Variants in ZFPM2 observed in about 807,000 individuals in gnomAD.
The protein encoded by ZFPM2 is zinc finger protein ZFPM2.
ZFPM2 carries 20 observed loss-of-function variants against 98.6 expected under a neutral mutation model. The observed-to-expected ratio is 0.20, with a 90% confidence interval of 0.14 to 0.29. ZFPM2 has a LOEUF of 0.29. Among genes scored for constraint, ZFPM2 ranks in the 10% least tolerant of loss-of-function variants. The pLI is 1.00. For missense variants in ZFPM2, 1,310 were observed against 1,388.6 expected (o/e 0.94, Z 0.90); for synonymous variants, 518 against 502.7 (o/e 1.03, Z -0.41).
At chr8:105,734,577 A>G (rs578072716) in intron 5 of ZFPM2, among the ~76,000 whole-genome samples, 12 of 152,102 alleles carry the variant, frequency 7.9e-5, no homozygotes, top group Admixed American at 7.2e-4. Context: ...TAGACTTTAC[A>G]GTCTGTACTG....
chr8:105,700,066 A>G (rs537280251), intron 5 of ZFPM2, among the ~76,000 whole-genome samples: 5 of 152,324 alleles, frequency 3.3e-5, no homozygotes, highest in Admixed American at 2.0e-4. Context: ...TTATTTAATC[A>G]TTTTAACCTT....
At chr8:105,671,705 G>C (rs1817599755) in intron 5 of ZFPM2, among the ~76,000 whole-genome samples, 1 of 151,814 alleles carries the variant, frequency 6.6e-6, no homozygotes, top group Admixed American at 6.6e-5. Flanking sequence ...TCTTTAATAA[G>C]TAATAGCAAT....
chr8:105,551,854 C>G lies in ZFPM2; in HGVS notation c.302-9509C>G, dbSNP rs967111073. ...ATCATGTTACAATACATGACCATAT[C>G]TTGGTTTGTTATAGATATCAAGCTA... On this transcript the variant is annotated intron_variant, in intron 3 of 7. Coordinates refer to ENST00000407775, the MANE Select transcript of ZFPM2 (RefSeq NM_012082.4). 6.6e-5 allele frequency among the ~76,000 whole-genome samples: 10 copies of G among 152,114 alleles called. 1 individual carries two copies. Among genetic ancestry groups the G allele is most frequent in the Admixed American group, 5.9e-4 (9 of 15,260 alleles).
chr8:105,387,671 A>G (rs76705933), intron 1 of ZFPM2: 1,633 of 155,482 alleles, frequency 0.011, 83 homozygotes, highest in Admixed American at 0.065. Flanking sequence ...CCGCGCCTCT[A>G]CTTCCACACC....
chr8:105,740,543 T>TA (rs1812188877), intron 5 of ZFPM2, among the ~76,000 whole-genome samples: 1 of 138,398 alleles, frequency 7.2e-6, no homozygotes, highest in South Asian at 2.2e-4. Context: ...ATATATATAT[T>TA]ATATATATAT....
chr8:105,673,913 G>A (rs1010496432), intron 5 of ZFPM2, among the ~76,000 whole-genome samples: 2 of 152,162 alleles, frequency 1.3e-5, no homozygotes, highest in African/African-American at 4.8e-5. Context: ...AGGAAAATTG[G>A]AAGATCCCAT....
At position 105,380,634 on chromosome 8, in the gene ZFPM2, TTA is replaced by T. The variant is rs1462975198; in HGVS notation, c.41-38500_41-38499del. ...ATATATATTATATATAACATATATATTATATATATATTATATATATATATTAT... is the reference window on the plus strand; with the variant it reads ...ATATATATTATATATAACATATATATTATATATATTATATATATATATTAT... On this transcript the variant is annotated intron_variant, in intron 1 of 7. Coordinates refer to ENST00000407775, the MANE Select transcript of ZFPM2 (RefSeq NM_012082.4). Among the ~76,000 whole-genome samples the T allele has an allele frequency of 3.1e-4, 5 of 16,020 alleles. 1 individual carries two copies. The highest frequency in any genetic ancestry group is 1.4e-3 in the African/African-American group (5 of 3,454). The allele number at this position is 16,020 out of a possible 152,430, so 10.5% of individuals were successfully genotyped here.
chr8:105,802,857 T>C lies in ZFPM2; in HGVS notation c.2775T>C (p.Pro925=), dbSNP rs540031963. The C allele has an allele frequency of 9.9e-6, 16 of 1,613,720 alleles. No homozygotes were observed. Among genetic ancestry groups the C allele is most frequent in the South Asian group, 5.5e-5 (5 of 91,028 alleles). ...KCEKNGNLKQ[P]SPNGNLFSSH... The stretch of plus-strand genomic sequence containing the variant: ...AGAAAAATGGGAATTTGAAGCAGCC[T>C]TCCCCCAATGGAAACTTATTTTCAT... Residue 925 remains proline, a synonymous_variant, in exon 8 of 8, where the codon CCT becomes CCC. Coordinates refer to ENST00000407775, the MANE Select transcript of ZFPM2 (RefSeq NM_012082.4).
At chr8:105,758,224 A>T (rs1212527384) in intron 5 of ZFPM2, among the ~76,000 whole-genome samples, 1 of 152,052 alleles carries the variant, frequency 6.6e-6, no homozygotes. Context: ...CACGACTATC[A>T]TTCACTGGCT....
At chr8:105,473,268 CTT>C (rs1812944317) in intron 3 of ZFPM2, among the ~76,000 whole-genome samples, 1 of 151,626 alleles carries the variant, frequency 6.6e-6, no homozygotes, top group African/African-American at 2.4e-5. Context: ...ATCTTTCTCT[CTT>C]TTGTGGGGAC....
chr8:105,628,222 A>G (rs1816694298), intron 4 of ZFPM2, among the ~76,000 whole-genome samples: 1 of 152,186 alleles, frequency 6.6e-6, no homozygotes, highest in African/African-American at 2.4e-5. Context: ...TCAGGATTCA[A>G]ACCTAGAAAA....
intron 5 of ZFPM2, among the ~76,000 whole-genome samples, chr8:105,758,989 G>A (rs1812674190): frequency 6.6e-6 from 1 of 152,034 alleles, no homozygotes; most frequent in African/African-American, 2.4e-5. Context: ...ATTTGATAGG[G>A]GCTAGTTGGA....
intron 1 of ZFPM2, among the ~76,000 whole-genome samples, chr8:105,362,944 C>T (rs527583167): frequency 2.0e-4 from 31 of 152,186 alleles, no homozygotes; most frequent in East Asian, 1.3e-3. Context: ...CTAAGGTAGC[C>T]GGCTGTGTTT....
At chr8:105,606,247 C>T (rs1041877202) in intron 4 of ZFPM2, among the ~76,000 whole-genome samples, 2 of 152,000 alleles carry the variant, frequency 1.3e-5, no homozygotes, top group East Asian at 1.9e-4. Context: ...CTCTCCTCAC[C>T]CTAAGAGGAC....
At chr8:105,355,634 CTTAT>C (rs1812726864) in intron 1 of ZFPM2, among the ~76,000 whole-genome samples, 2 of 152,014 alleles carry the variant, frequency 1.3e-5, no homozygotes, top group African/African-American at 4.8e-5. Context: ...CTTTTGTTTT[CTTAT>C]TTAATTTCCC....
rs1157092006 is a variant in ZFPM2, at chr8:105,694,229, GC to G, written c.532+59878del. 2.0e-5 allele frequency among the ~76,000 whole-genome samples: 3 copies of G among 151,598 alleles called. No homozygotes were observed. The South Asian group carries it at 6.2e-4, about 32-fold the overall frequency. ...TCTCAATCTCCTGACCTTGTGATCT[GC>G]CCCCCGCGGCCTCCCAAAGTGCTGG... On this transcript the variant is annotated intron_variant, in intron 5 of 7. Coordinates refer to ENST00000407775, the MANE Select transcript of ZFPM2 (RefSeq NM_012082.4).
intron 1 of ZFPM2, among the ~76,000 whole-genome samples, chr8:105,361,835 T>G (rs1210289930): frequency 6.6e-6 from 1 of 151,362 alleles, no homozygotes; most frequent in African/African-American, 2.5e-5. Flanking sequence ...TTACTGTACC[T>G]TTTTTATGTT....
At chr8:105,721,104 T>C (rs193284913) in intron 5 of ZFPM2, among the ~76,000 whole-genome samples, 233 of 151,986 alleles carry the variant, frequency 1.5e-3, no homozygotes, top group African/African-American at 5.3e-3. Flanking sequence ...AGGGGACTGG[T>C]TCCAGGACCA....
chr8:105,551,239 C>A (rs1271075787), intron 3 of ZFPM2, among the ~76,000 whole-genome samples: 2 of 152,146 alleles, frequency 1.3e-5, no homozygotes, highest in Non-Finnish European at 2.9e-5. Flanking sequence ...ATGTTTAGTA[C>A]TGCATAGGAC....
Sources: allele counts gnomAD v4.1 joint callset (sites outside exome capture counted in the v4.1 genomes callset), GRCh38; gene constraint gnomAD v4.1.1; transcripts MANE v1.5; gene names NCBI Gene and HGNC (gene_info 2026-07-23, HGNC 2026-07-21).